The following TLE4 variants were observed in gnomAD, a reference collection of about 807,000 sequenced individuals.
The protein encoded by TLE4 is TLE family member 4, transcriptional corepressor, also known as transducin-like enhancer protein 4.
A neutral mutation model predicts 92.8 loss-of-function variants in TLE4; 8 were observed. The ratio of observed to expected loss-of-function variants is 0.09; its 90% CI spans 0.05 to 0.16. TLE4 has a LOEUF of 0.16. Ranked by LOEUF, TLE4 falls within the 10% of genes least tolerant of loss-of-function variation. The probability of loss-of-function intolerance (pLI) is 1.00; values close to 1 mark genes in which losing one functional copy is unlikely to be tolerated. For synonymous variants in TLE4, 371 were observed against 374.1 expected, an observed-to-expected ratio of 0.99 and a Z score of 0.10; for missense variants, 675 against 997.6, an observed-to-expected ratio of 0.68 and a Z score of 4.36.
At chr9:79,575,983 G>A in intron 3 of TLE4, 150 bp from the exon 4 acceptor site, 1 of 459,978 alleles carries the variant, frequency 2.2e-6, no homozygotes, top group Non-Finnish European at 3.8e-6. Context: ...GATAGTGATG[G>A]GCTCTTGATT....
At chr9:79,660,471 G>A (rs1021237927) in intron 8 of TLE4, among the ~76,000 whole-genome samples, 3 of 152,130 alleles carry the variant, frequency 2.0e-5, no homozygotes, top group Non-Finnish European at 2.9e-5. Context: ...AGCATTTAAC[G>A]TTATAACTCT....
intron 8 of TLE4, among the ~76,000 whole-genome samples, chr9:79,686,639 A>G (rs1263540497): frequency 6.6e-6 from 1 of 152,212 alleles, no homozygotes; most frequent in African/African-American, 2.4e-5. Context: ...AAACCGAAGA[A>G]TGCCAAGGAT....
At chr9:79,706,923 C>CT (rs757127057) in intron 11 of TLE4, 24 bp downstream of exon 11, 8 of 1,608,868 alleles carry the variant, frequency 5.0e-6, no homozygotes, top group Non-Finnish European at 6.8e-6. Flanking sequence ...TACCATCTCT[C>CT]TGAGTGTGGC....
At chr9:79,670,490 GT>G (rs1190536548) in intron 8 of TLE4, among the ~76,000 whole-genome samples, 1 of 152,162 alleles carries the variant, frequency 6.6e-6, no homozygotes, top group African/African-American at 2.4e-5. Context: ...ATATGCCTCA[GT>G]CTTTCCTCCC....
At chr9:79,618,569 T>C (rs2050192984) in intron 5 of TLE4, among the ~76,000 whole-genome samples, 1 of 152,224 alleles carries the variant, frequency 6.6e-6, no homozygotes, top group African/African-American at 2.4e-5. Context: ...TTTAACCTTG[T>C]TATTAGCAGA....
intron 14 of TLE4, among the ~76,000 whole-genome samples, chr9:79,714,874 T>C (rs2074157598): frequency 6.6e-6 from 1 of 152,240 alleles, no homozygotes; most frequent in African/African-American, 2.4e-5. Context: ...CCTAGCAATG[T>C]TGACTTCCCT....
At chr9:79,602,070 C>G (rs2045791192) in intron 4 of TLE4, among the ~76,000 whole-genome samples, 1 of 152,176 alleles carries the variant, frequency 6.6e-6, no homozygotes, top group Admixed American at 6.5e-5. Flanking sequence ...AGAGCAAAAC[C>G]CCTCACTCTC....
intron 8 of TLE4, among the ~76,000 whole-genome samples, chr9:79,658,697 C>G (rs2060103894): frequency 6.6e-6 from 1 of 151,994 alleles, no homozygotes; most frequent in African/African-American, 2.4e-5. Flanking sequence ...CTTCATACAC[C>G]CCTTTAAGTA....
In TLE4 at chr9:79,720,174, G is replaced by A. The variant is rs757384135; in HGVS notation, c.1719G>A (p.Leu573=). The change falls in exon 16 of 20, where the codon CTG becomes CTA. Residue 573 remains leucine (L), a synonymous_variant. Transcript: ENST00000376552. ...AAPTPRIKAE[L]TSSAPACYAL... ...CAACCCCACGCATCAAGGCAGAGCT[G>A]ACATCCTCGGCCCCCGCCTGCTATG... The A allele has an allele frequency of 2.1e-5, 34 of 1,614,088 alleles. No individual in the cohort carries two copies. Among genetic ancestry groups the A allele is most frequent in the Non-Finnish European group, 2.8e-5 (33 of 1,180,052 alleles).
intron 4 of TLE4, among the ~76,000 whole-genome samples, chr9:79,579,269 C>T (rs1320977646): frequency 2.0e-5 from 3 of 152,180 alleles, no homozygotes; most frequent in Non-Finnish European, 4.4e-5. Flanking sequence ...TTCTAAATGG[C>T]ACAGTGGGGT....
intron 19 of TLE4, among the ~76,000 whole-genome samples, chr9:79,724,362 AGTTGAGG>A (rs1250248671): frequency 1.3e-5 from 2 of 152,012 alleles, no homozygotes; most frequent in Non-Finnish European, 1.5e-5. Context: ...ATCTGTTTGA[AGTTGAGG>A]GTTTTTCATA....
chr9:79,598,075 GAAAAAAAAAAA>G (rs748860967), intron 4 of TLE4, among the ~76,000 whole-genome samples: 3 of 65,750 alleles, frequency 4.6e-5, no homozygotes, highest in South Asian at 1.3e-3. Context: ...TACTGAAAAA[GAAAAAAAAAAA>G]AAAAAAAAAA....
intron 8 of TLE4, among the ~76,000 whole-genome samples, chr9:79,666,932 C>A (rs1467999597): frequency 6.6e-6 from 1 of 152,162 alleles, no homozygotes; most frequent in Non-Finnish European, 1.5e-5. Context: ...AGTTATAAAT[C>A]CAATAAATAA....
chr9:79,603,626 T>G (rs565579551), intron 4 of TLE4, among the ~76,000 whole-genome samples: 1 of 152,212 alleles, frequency 6.6e-6, no homozygotes, highest in African/African-American at 2.4e-5. Flanking sequence ...ACCAAAAAAT[T>G]TGTGTGACTC....
intron 13 of TLE4, 127 bp downstream of exon 13, chr9:79,708,913 C>G: frequency 8.8e-7 from 1 of 1,138,230 alleles, no homozygotes; most frequent in Admixed American, 2.7e-5. Context: ...CTCACTGCAG[C>G]CTCTGCCTCC....
rs143758940 is a variant in TLE4, at chr9:79,587,516, G to A, written c.252+11339G>A. Reference sequence around the variant, plus strand: ...AAATTCATCCCTACTTCCATTGCTCGGTACTATAGGCATGCCATTTTAGTA... The same window carrying A: ...AAATTCATCCCTACTTCCATTGCTCAGTACTATAGGCATGCCATTTTAGTA... On this transcript the variant is annotated intron_variant, in intron 4 of 19. Coordinates refer to ENST00000376552, the MANE Select transcript of TLE4 (RefSeq NM_007005.6). Among the ~76,000 whole-genome samples, 838 of 152,210 alleles carry A rather than the reference G, an allele frequency of 5.5e-3. 7 individuals carry two copies. Among genetic ancestry groups the A allele is most frequent in the African/African-American group, 0.019 (783 of 41,524 alleles).
At chr9:79,573,423 G>C (rs2036526546) in intron 1 of TLE4, 3 of 1,186,918 alleles carry the variant, frequency 2.5e-6, no homozygotes, top group Non-Finnish European at 3.2e-6. Context: ...GTCTTTGGCC[G>C]GGGAGGGGAG....
chr9:79,693,471 G>A (rs1466130185), intron 8 of TLE4, among the ~76,000 whole-genome samples: 1 of 152,116 alleles, frequency 6.6e-6, no homozygotes, highest in Admixed American at 6.5e-5. Context: ...ATACTTGCTT[G>A]TACGCATTAG....
At chr9:79,614,590 G>T (rs529980557) in intron 5 of TLE4, among the ~76,000 whole-genome samples, 2 of 152,092 alleles carry the variant, frequency 1.3e-5, no homozygotes, top group Non-Finnish European at 2.9e-5. Flanking sequence ...GGGAAGAAAG[G>T]TGTCATACTT....
Sources: allele counts gnomAD v4.1 joint callset (sites outside exome capture counted in the v4.1 genomes callset), GRCh38; gene constraint gnomAD v4.1.1; transcripts MANE v1.5; gene names NCBI Gene and HGNC (gene_info 2026-07-23, HGNC 2026-07-21).